Variants in AFF3 observed in about 807,000 individuals in gnomAD.
The protein encoded by AFF3 is AF4/FMR2 family member 3.
In AFF3, 32 loss-of-function variants were observed where a neutral mutation model predicts 129.7. That is an observed-to-expected ratio of 0.25 (90% CI 0.19 to 0.33). AFF3 has a LOEUF of 0.33. Ranked by LOEUF, AFF3 falls within the 10% of genes least tolerant of loss-of-function variation. AFF3 has a pLI of 1.00. For missense variants in AFF3, 1,373 were observed against 1,592.0 expected (o/e 0.86, Z 2.34); for synonymous variants, 644 against 635.4 (o/e 1.01, Z -0.20).
intron 11 of AFF3, among the ~76,000 whole-genome samples, chr2:99,703,634 C>T (rs1677081539): frequency 6.9e-6 from 1 of 144,622 alleles, no homozygotes; most frequent in African/African-American, 2.6e-5. Context: ...CCTTTTGTTT[C>T]TCATTTCTCT....
chr2:99,911,257 A>T (rs990515642), intron 7 of AFF3, among the ~76,000 whole-genome samples: 1 of 152,088 alleles, frequency 6.6e-6, no homozygotes, highest in Admixed American at 6.5e-5. Context: ...GCATGGTGGC[A>T]CATGCCTGTA....
intron 7 of AFF3, among the ~76,000 whole-genome samples, chr2:99,955,247 T>C (rs918864641): frequency 4.6e-5 from 7 of 152,294 alleles, no homozygotes; most frequent in Admixed American, 3.9e-4. Context: ...TCAAAAATAA[T>C]TGACCTGTAC....
chr2:99,572,299 C>CCCT (rs1553601083), intron 18 of AFF3, among the ~76,000 whole-genome samples: 1 of 122,356 alleles, frequency 8.2e-6, no homozygotes, highest in East Asian at 2.7e-4. Context: ...CACCACCCCC[C>CCCT]CCCCCCCACC....
At chr2:100,057,512 T>C (rs1686900702) in intron 4 of AFF3, among the ~76,000 whole-genome samples, 1 of 152,186 alleles carries the variant, frequency 6.6e-6, no homozygotes, top group Non-Finnish European at 1.5e-5. Flanking sequence ...TATCACATGA[T>C]AAATGCTCAA....
intron 8 of AFF3, among the ~76,000 whole-genome samples, chr2:99,786,371 C>T (rs188872276): frequency 4.6e-5 from 7 of 152,170 alleles, no homozygotes; most frequent in East Asian, 3.9e-4. Context: ...AGTGTACATC[C>T]GTTAATGTCA....
intron 12 of AFF3, among the ~76,000 whole-genome samples, chr2:99,664,514 A>G (rs550461559): frequency 6.6e-6 from 1 of 152,338 alleles, no homozygotes; most frequent in African/African-American, 2.4e-5. Flanking sequence ...TTCCATGGAG[A>G]TCGGATAAAT....
chr2:99,564,962 C>G (rs1675825768), intron 20 of AFF3, among the ~76,000 whole-genome samples: 1 of 152,076 alleles, frequency 6.6e-6, no homozygotes, highest in Non-Finnish European at 1.5e-5. Context: ...TAAGTGTTTG[C>G]CATCGAATGC....
intron 13 of AFF3, among the ~76,000 whole-genome samples, chr2:99,606,988 T>A (rs1220042039): frequency 6.6e-6 from 1 of 151,988 alleles, no homozygotes; most frequent in Non-Finnish European, 1.5e-5. Context: ...CTGAGAATAT[T>A]TCTTTAAATG....
intron 10 of AFF3, among the ~76,000 whole-genome samples, chr2:99,730,505 C>T (rs190191313): frequency 4.5e-4 from 68 of 150,500 alleles, no homozygotes; most frequent in African/African-American, 1.7e-3. Context: ...GGAAGTTTTG[C>T]TATACTGCAA....
intron 10 of AFF3, 78 bp downstream of exon 10, chr2:99,744,026 C>T: frequency 7.7e-6 from 10 of 1,290,388 alleles, no homozygotes; most frequent in South Asian, 1.3e-5. Context: ...CCAATGTGTG[C>T]TCATCCTCCC....
At chr2:99,760,340 T>A (rs903122933) in intron 8 of AFF3, among the ~76,000 whole-genome samples, 1 of 152,220 alleles carries the variant, frequency 6.6e-6, no homozygotes, top group African/African-American at 2.4e-5. Context: ...CTAAGTATGA[T>A]CTGTACTTTT....
At chr2:99,780,045 T>C (rs1684266881) in intron 8 of AFF3, among the ~76,000 whole-genome samples, 1 of 152,256 alleles carries the variant, frequency 6.6e-6, no homozygotes, top group South Asian at 2.1e-4. Context: ...AAGTGTCTAA[T>C]GAGCATGTGT....
At chr2:99,853,367 AT>A (rs1373791803) in intron 7 of AFF3, among the ~76,000 whole-genome samples, 1 of 152,278 alleles carries the variant, frequency 6.6e-6, no homozygotes, top group East Asian at 1.9e-4. Flanking sequence ...CTGGAGCATA[AT>A]TTTTGTTTCA....
chr2:99,575,024 A>C (rs1036509352), intron 18 of AFF3, among the ~76,000 whole-genome samples: 21 of 151,968 alleles, frequency 1.4e-4, no homozygotes, highest in Middle Eastern at 3.4e-3. Context: ...AAATTTAGTA[A>C]TCCTAGGAAA....
rs557728999 is a variant in AFF3 at position 99,690,777 on chromosome 2, AT to A, written c.1092-18189del. Among the ~76,000 whole-genome samples the A allele has an allele frequency of 4.4e-4, 65 of 148,756 alleles. No homozygotes were observed. The Middle Eastern group carries it at 0.017, about 39-fold the overall frequency. ...AAAAGTATACTAACCCAAGGTAAGAATTTTTTTTTTTTCAAAAAAAGAAAAT... is the reference window on the plus strand; with the variant it reads ...AAAAGTATACTAACCCAAGGTAAGAATTTTTTTTTTTCAAAAAAAGAAAAT... On this transcript the variant is annotated intron_variant, in intron 11 of 24. Coordinates refer to ENST00000672756, the MANE Select transcript of AFF3 (RefSeq NM_001386135.1).
chr2:99,594,653 A>C (rs1439009404), intron 14 of AFF3, among the ~76,000 whole-genome samples: 4 of 152,214 alleles, frequency 2.6e-5, no homozygotes, highest in African/African-American at 7.2e-5. Flanking sequence ...CCCAAAACTC[A>C]GAGAATTGTT....
At chr2:99,852,160 C>T (rs1690194263) in intron 7 of AFF3, among the ~76,000 whole-genome samples, 1 of 152,124 alleles carries the variant, frequency 6.6e-6, no homozygotes, top group Non-Finnish European at 1.5e-5. Flanking sequence ...GCTTATTTTT[C>T]ATGATCATGT....
chr2:99,717,178 G>C (rs1288691394), intron 11 of AFF3, among the ~76,000 whole-genome samples: 1 of 152,166 alleles, frequency 6.6e-6, no homozygotes, highest in Non-Finnish European at 1.5e-5. Flanking sequence ...TATGAATCAA[G>C]TAGCTACGAA....
chr2:99,697,912 T>A (rs943237148), intron 11 of AFF3, among the ~76,000 whole-genome samples: 1 of 152,262 alleles, frequency 6.6e-6, no homozygotes, highest in Non-Finnish European at 1.5e-5. Context: ...TACCTGACTT[T>A]GTGAATTTGC....
Sources: gnomAD v4.1 joint callset for allele counts (sites outside exome capture counted in the v4.1 genomes callset) on GRCh38, gnomAD v4.1.1 for gene constraint, MANE v1.5 for transcripts, NCBI Gene and HGNC (gene_info 2026-07-23, HGNC 2026-07-21) for gene names.